The following SPEF2 variants were observed in gnomAD, a reference collection of about 807,000 sequenced individuals.
The protein encoded by SPEF2 is sperm flagellar and cilia associated 2.
Under a neutral mutation model 224.6 loss-of-function variants are expected in SPEF2, and 187 were observed. The ratio of observed to expected loss-of-function variants is 0.83; its 90% CI spans 0.74 to 0.94. The LOEUF (loss-of-function observed/expected upper bound fraction) is 0.94. SPEF2 is among the 40% of genes least tolerant of loss of function. The pLI is 0.00. For synonymous variants in SPEF2, 715 were observed against 707.3 expected, an observed-to-expected ratio of 1.01 and a Z score of -0.17; for missense variants, 2,170 against 2,135.6, an observed-to-expected ratio of 1.02 and a Z score of -0.32.
At chr5:35,624,533 G>GA (rs1360263981) in intron 1 of SPEF2, among the ~76,000 whole-genome samples, 1 of 151,942 alleles carries the variant, frequency 6.6e-6, no homozygotes, top group Non-Finnish European at 1.5e-5. Flanking sequence ...AAACCAAAGA[G>GA]AAAAAAATAA....
chr5:35,792,213 T>C (rs1756065933), intron 30 of SPEF2, 127 bp from the exon 31 acceptor site: 1 of 561,920 alleles, frequency 1.8e-6, no homozygotes, highest in African/African-American at 1.9e-5. Context: ...TCTGTTTCTT[T>C]AAAACTTACC....
At chr5:35,708,910 G>T in intron 18 of SPEF2, 38 bp from the exon 19 acceptor site, 1 of 1,540,484 alleles carries the variant, frequency 6.5e-7, no homozygotes, top group Non-Finnish European at 8.8e-7. Flanking sequence ...GATTTCTAGA[G>T]TCTCTAATGA....
At chr5:35,735,359 C>A (rs1462412970) in intron 21 of SPEF2, among the ~76,000 whole-genome samples, 1 of 152,216 alleles carries the variant, frequency 6.6e-6, no homozygotes, top group Non-Finnish European at 1.5e-5. Flanking sequence ...AAATATCTGA[C>A]AGGCTGCCAT....
Position 35,743,485 on chromosome 5 carries a change from T to C in SPEF2, c.3330+3218T>C, listed in dbSNP as rs569593825. Among the ~76,000 whole-genome samples the C allele has an allele frequency of 1.1e-4, 16 of 152,254 alleles. 1 individual carries two copies. The highest frequency in any genetic ancestry group is 9.8e-4 in the Admixed American group (15 of 15,298). On this transcript the variant is annotated intron_variant, in intron 23 of 36. Coordinates refer to ENST00000356031, the MANE Select transcript of SPEF2 (RefSeq NM_024867.4). ...CAGTAAGTTTTGGCCAAATCCACCTTATCAAAGATATGATAACATTTTTAG... is the reference window on the plus strand; with the variant it reads ...CAGTAAGTTTTGGCCAAATCCACCTCATCAAAGATATGATAACATTTTTAG...
chr5:35,810,132 C>G (rs1758444274), intron 36 of SPEF2, among the ~76,000 whole-genome samples: 1 of 152,108 alleles, frequency 6.6e-6, no homozygotes, highest in Non-Finnish European at 1.5e-5. Flanking sequence ...AGAAAATAGC[C>G]AACAGATGGC....
chr5:35,764,464 A>C (rs1426425913), intron 26 of SPEF2: 1 of 416,904 alleles, frequency 2.4e-6, no homozygotes. Flanking sequence ...CTTTAATCCA[A>C]GCAGAAGTGC....
chr5:35,741,337 T>G (rs944273854), intron 23 of SPEF2, among the ~76,000 whole-genome samples: 1 of 152,136 alleles, frequency 6.6e-6, no homozygotes, highest in Non-Finnish European at 1.5e-5. Context: ...AGTGATTGGG[T>G]AAGCCATGTA....
At chr5:35,765,871 T>C (rs1279532692) in intron 26 of SPEF2, among the ~76,000 whole-genome samples, 7 of 152,150 alleles carry the variant, frequency 4.6e-5, no homozygotes, top group Admixed American at 4.6e-4. Flanking sequence ...TCTCAAATGC[T>C]TTTTCTGCCT....
intron 26 of SPEF2, among the ~76,000 whole-genome samples, 160 bp from the exon 27 acceptor site, chr5:35,771,449 A>G (rs1288368548): frequency 6.6e-6 from 1 of 152,238 alleles, no homozygotes; most frequent in Non-Finnish European, 1.5e-5. Flanking sequence ...TTTCCACTTA[A>G]GTAAAACATG....
chr5:35,730,917 A>G (rs1007043890), intron 21 of SPEF2, among the ~76,000 whole-genome samples: 33 of 152,212 alleles, frequency 2.2e-4, no homozygotes, highest in Non-Finnish European at 1.9e-4. Context: ...AACTAATGTG[A>G]TCCCAGGGCA....
intron 36 of SPEF2, among the ~76,000 whole-genome samples, chr5:35,810,079 T>A (rs1580815507): frequency 6.6e-6 from 1 of 152,184 alleles, no homozygotes; most frequent in African/African-American, 2.4e-5. Flanking sequence ...TTAAATATGA[T>A]GAACTTGCAA....
chr5:35,792,199 G>A, intron 30 of SPEF2, 141 bp from the exon 31 acceptor site: 2 of 498,936 alleles, frequency 4.0e-6, no homozygotes, highest in East Asian at 3.3e-5. Flanking sequence ...TTTCCAAAAT[G>A]TCTTCTGTTT....
chr5:35,719,685 G>A (rs1743262554), intron 20 of SPEF2, among the ~76,000 whole-genome samples: 1 of 151,932 alleles, frequency 6.6e-6, no homozygotes, highest in Non-Finnish European at 1.5e-5. Flanking sequence ...GCAGTAGCGT[G>A]ATCTTGGCTC....
intron 34 of SPEF2, among the ~76,000 whole-genome samples, chr5:35,803,290 G>A (rs954005708): frequency 6.6e-6 from 1 of 152,202 alleles, no homozygotes; most frequent in African/African-American, 2.4e-5. Context: ...GCAACAGACA[G>A]CTGTCTCCTG....
At chr5:35,783,210 T>C (rs905895687) in intron 30 of SPEF2, among the ~76,000 whole-genome samples, 2 of 152,230 alleles carry the variant, frequency 1.3e-5, no homozygotes, top group African/African-American at 4.8e-5. Flanking sequence ...TTTGCTAACA[T>C]TTTCATATGT....
intron 34 of SPEF2, among the ~76,000 whole-genome samples, chr5:35,800,570 G>A (rs111374718): frequency 2.6e-5 from 4 of 152,076 alleles, no homozygotes; most frequent in South Asian, 2.1e-4. Flanking sequence ...ACCAAAGCCC[G>A]GCCACTGGAA....
intron 1 of SPEF2, among the ~76,000 whole-genome samples, chr5:35,624,849 C>G (rs992493698): frequency 1.3e-5 from 2 of 152,136 alleles, no homozygotes; most frequent in African/African-American, 4.8e-5. Flanking sequence ...ATTGGCTAGG[C>G]TGGTCTCGAA....
At chr5:35,759,005 CAAA>C (rs57893412) in intron 24 of SPEF2, among the ~76,000 whole-genome samples, 10 of 51,354 alleles carry the variant, frequency 1.9e-4, no homozygotes, top group Admixed American at 6.9e-4. Context: ...GACTCTGTCT[CAAA>C]AAAAAAAAAA....
intron 29 of SPEF2, among the ~76,000 whole-genome samples, chr5:35,777,055 A>G (rs1202953841): frequency 2.0e-5 from 3 of 152,188 alleles, no homozygotes; most frequent in Non-Finnish European, 4.4e-5. Context: ...TCATCTATAC[A>G]AGGAAACACT....
Sources: allele counts gnomAD v4.1 joint callset (sites outside exome capture counted in the v4.1 genomes callset), GRCh38; gene constraint gnomAD v4.1.1; transcripts MANE v1.5; gene names NCBI Gene and HGNC (gene_info 2026-07-23, HGNC 2026-07-21).